The following ALDH1A2 variants were observed in gnomAD, a reference collection of about 807,000 sequenced individuals.
ALDH1A2 encodes the protein retinal dehydrogenase 2.
ALDH1A2 carries 27 observed loss-of-function variants against 60.3 expected under a neutral mutation model. That is an observed-to-expected ratio of 0.45 (90% CI 0.33 to 0.62). The LOEUF is 0.62. Among genes scored for constraint, ALDH1A2 ranks in the 20% least tolerant of loss-of-function variants. ALDH1A2 has a pLI of 0.02. For missense variants in ALDH1A2, 581 were observed against 643.8 expected, an observed-to-expected ratio of 0.90 and a Z score of 1.06; for synonymous variants, 289 against 232.4, an observed-to-expected ratio of 1.24 and a Z score of -2.21.
chr15:57,974,432 CAAAAAAAAA>C (rs61170362), intron 7 of ALDH1A2, among the ~76,000 whole-genome samples: 4 of 96,716 alleles, frequency 4.1e-5, no homozygotes, highest in Non-Finnish European at 5.8e-5. Flanking sequence ...GACTCCATCT[CAAAAAAAAA>C]AAAAAAAAAA....
intron 7 of ALDH1A2, chr15:57,990,350 A>C (rs1894852324): frequency 6.6e-6 from 1 of 152,192 alleles, no homozygotes; most frequent in African/African-American, 2.4e-5. Context: ...CAGATTTACA[A>C]GTAAAATTTT....
At chr15:57,977,949 C>G (rs1378504424) in intron 7 of ALDH1A2, among the ~76,000 whole-genome samples, 2 of 152,088 alleles carry the variant, frequency 1.3e-5, no homozygotes, top group African/African-American at 4.8e-5. Context: ...ATTTTATTCT[C>G]TTTATAGTCA....
chr15:58,044,455 C>A (rs1475303573), intron 1 of ALDH1A2, among the ~76,000 whole-genome samples: 1 of 151,986 alleles, frequency 6.6e-6, no homozygotes, highest in Admixed American at 6.6e-5. Flanking sequence ...CTGTTCAGCA[C>A]AAGGAATTCT....
At chr15:57,976,778 C>G (rs919108156) in intron 7 of ALDH1A2, among the ~76,000 whole-genome samples, 1 of 152,088 alleles carries the variant, frequency 6.6e-6, no homozygotes, top group African/African-American at 2.4e-5. Context: ...GGGTATATAC[C>G]CAGTAATGCG....
rs1304857022 is a variant in ALDH1A2, at chr15:58,023,079, T to C, written c.118-8798A>G. On this transcript the variant is annotated intron_variant, in intron 1 of 12. Transcript: ENST00000249750. ...ATCTTAGTGAGATACAAGTGAATTC[T>C]GAACATAAAAAATCAGAAAAATAAT... 4.6e-5 allele frequency among the ~76,000 whole-genome samples: 7 copies of C among 152,128 alleles called. No homozygotes were observed. The East Asian group carries it at 9.6e-4, about 21-fold the overall frequency.
In ALDH1A2 at chr15:58,029,960, G is replaced by T. The variant is rs141519784; in HGVS notation, c.118-15679C>A. Among the ~76,000 whole-genome samples the T allele has an allele frequency of 1.1e-4, 17 of 152,082 alleles. 1 individual carries two copies. The East Asian group carries it at 3.3e-3, about 29-fold the overall frequency. ...TGCAATTCTAACAGAGGTACAAACA[G>T]CAAAGACGATCTGGTACCATTCCTT... On this transcript the variant is annotated intron_variant, in intron 1 of 12. Coordinates refer to ENST00000249750, the MANE Select transcript of ALDH1A2 (RefSeq NM_003888.4).
chr15:58,001,379 A>G (rs1895263828), intron 4 of ALDH1A2, among the ~76,000 whole-genome samples: 2 of 151,962 alleles, frequency 1.3e-5, no homozygotes, highest in Admixed American at 6.6e-5. Context: ...TGGGGTAAAA[A>G]TAAACAAAGA....
Position 58,065,579 on chromosome 15 carries a change from G to A in ALDH1A2, c.72C>T (p.His24=), listed in dbSNP as rs924003291. ...GATTGGGCGTGGGCGACGGCAGGAG[G>A]TGCAGCGACGCCATGAGGGCGGCGG... ...ADPAALMASL[H]LLPSPTPNLE... The change falls in exon 1 of 13, where the codon CAC becomes CAT. Residue 24 remains histidine (H), a synonymous_variant. Coordinates refer to ENST00000249750, the MANE Select transcript of ALDH1A2 (RefSeq NM_003888.4). 3.7e-6 allele frequency: 6 copies of A among 1,613,324 alleles called. No individual in the cohort carries two copies. Among genetic ancestry groups the A allele is most frequent in the East Asian group, 2.2e-5 (1 of 44,836 alleles).
chr15:58,057,083 T>G lies in ALDH1A2; in HGVS notation c.117+8451A>C, dbSNP rs568286953. On this transcript the variant is annotated intron_variant, in intron 1 of 12. Transcript: ENST00000249750. ...ATCACTTTTAGGTATACATCCTAGA[T>G]GCTCTCTCACCAGGTATATGAGGAG... Among the ~76,000 whole-genome samples the G allele has an allele frequency of 2.0e-5, 3 of 152,096 alleles. No homozygotes were observed. In the East Asian group the frequency reaches 5.8e-4, roughly 29 times the overall value.
At chr15:57,961,354 C>A in intron 10 of ALDH1A2, 60 bp from the exon 11 acceptor site, 1 of 1,578,720 alleles carries the variant, frequency 6.3e-7, no homozygotes. Context: ...CTGCTTTCCA[C>A]ATTTCAATGC....
chr15:57,988,277 T>G (rs759475483), intron 7 of ALDH1A2, among the ~76,000 whole-genome samples: 1 of 152,162 alleles, frequency 6.6e-6, no homozygotes, highest in African/African-American at 2.4e-5. Context: ...TAGACTGTGA[T>G]TGAGGTGCAT....
intron 7 of ALDH1A2, among the ~76,000 whole-genome samples, chr15:57,981,726 T>C (rs1184374333): frequency 6.6e-6 from 1 of 152,160 alleles, no homozygotes; most frequent in East Asian, 1.9e-4. Context: ...GCATTAATTG[T>C]CCCATAAACT....
intron 1 of ALDH1A2, among the ~76,000 whole-genome samples, chr15:58,040,360 C>T (rs1476963755): frequency 1.3e-5 from 2 of 151,916 alleles, no homozygotes; most frequent in African/African-American, 2.4e-5. Flanking sequence ...CATAAAACAA[C>T]CTGCAGACAG....
At chr15:57,993,418 CTT>C (rs1894959072) in intron 5 of ALDH1A2, among the ~76,000 whole-genome samples, 1 of 152,154 alleles carries the variant, frequency 6.6e-6, no homozygotes, top group South Asian at 2.1e-4. Context: ...TGTATGAAAA[CTT>C]TTCTTGCATC....
chr15:58,013,727 G>T, intron 3 of ALDH1A2, 131 bp downstream of exon 3: 1 of 1,264,638 alleles, frequency 7.9e-7, no homozygotes, highest in South Asian at 1.6e-5. Context: ...GCTCCAGCCT[G>T]GGCGACAGAG....
chr15:58,010,307 G>A (rs1333881576), intron 4 of ALDH1A2, among the ~76,000 whole-genome samples: 2 of 152,032 alleles, frequency 1.3e-5, no homozygotes, highest in Admixed American at 6.6e-5. Context: ...TAACCTCGTT[G>A]GAATTTTCCA....
At chr15:57,986,467 GA>G (rs1327394722) in intron 7 of ALDH1A2, among the ~76,000 whole-genome samples, 7 of 130,954 alleles carry the variant, frequency 5.3e-5, no homozygotes, top group Admixed American at 3.4e-4. Context: ...TACCTTTTAG[GA>G]AAAAAAAAGT....
At chr15:58,012,559 A>G (rs1895663603) in intron 3 of ALDH1A2, among the ~76,000 whole-genome samples, 1 of 152,228 alleles carries the variant, frequency 6.6e-6, no homozygotes, top group Non-Finnish European at 1.5e-5. Context: ...GTGAATCTGC[A>G]AGGAGGAATT....
intron 4 of ALDH1A2, among the ~76,000 whole-genome samples, chr15:58,002,933 A>G (rs1400806009): frequency 1.3e-5 from 2 of 151,886 alleles, no homozygotes; most frequent in African/African-American, 4.8e-5. Flanking sequence ...TATAACTATG[A>G]TGATAAACTC....
Sources: allele counts gnomAD v4.1 joint callset (sites outside exome capture counted in the v4.1 genomes callset), GRCh38; gene constraint gnomAD v4.1.1; transcripts MANE v1.5; gene names NCBI Gene and HGNC (gene_info 2026-07-23, HGNC 2026-07-21).